Variants in OR10J1 observed in about 807,000 individuals in gnomAD.
OR10J1 encodes olfactory receptor 10J1.
For synonymous variants in OR10J1, 202 were observed against 143.8 expected (o/e 1.40, Z -2.89); for missense variants, 474 against 376.6 (o/e 1.26, Z -2.14).
the OR10J1 span, among the ~76,000 whole-genome samples, chr1:159,415,870 T>C: frequency 1.3e-5 from 2 of 151,994 alleles, no homozygotes; most frequent in Admixed American, 6.6e-5. Context: ...CATCAATGTT[T>C]TATAGTTTTT....
the OR10J1 span, among the ~76,000 whole-genome samples, chr1:159,420,545 A>C: frequency 6.6e-6 from 1 of 152,108 alleles, no homozygotes; most frequent in Non-Finnish European, 1.5e-5. Context: ...TTCTTTTGCT[A>C]CCAGGCATAG....
chr1:159,414,676 T>C, the OR10J1 span, among the ~76,000 whole-genome samples: 3 of 152,114 alleles, frequency 2.0e-5, no homozygotes, highest in African/African-American at 7.2e-5. Context: ...CTGTTTTCTA[T>C]AGCAACTGTA....
chr1:159,409,659 C>A, the OR10J1 span, among the ~76,000 whole-genome samples: 1 of 151,996 alleles, frequency 6.6e-6, no homozygotes, highest in Non-Finnish European at 1.5e-5. Flanking sequence ...CTAATCTATC[C>A]ATAATGATAA....
upstream of OR10J1, among the ~76,000 whole-genome samples, chr1:159,435,991 G>A (rs1041124435): frequency 6.6e-6 from 1 of 152,160 alleles, no homozygotes; most frequent in Non-Finnish European, 1.5e-5. Flanking sequence ...TGACTTCGGA[G>A]GGTTATTTGG....
the OR10J1 span, chr1:159,405,857 CAA>C: frequency 3.8e-6 from 3 of 780,110 alleles, no homozygotes; most frequent in Admixed American, 2.1e-5. Context: ...TGGGAGATGA[CAA>C]AGTCATCACA....
chr1:159,422,761 C>G, the OR10J1 span, among the ~76,000 whole-genome samples: 1 of 152,134 alleles, frequency 6.6e-6, no homozygotes, highest in Non-Finnish European at 1.5e-5. Flanking sequence ...AAGTTTCGAA[C>G]CTTACTAGGG....
At chr1:159,435,095 C>G (rs1655699177), upstream of OR10J1, among the ~76,000 whole-genome samples, 1 of 152,130 alleles carries the variant, frequency 6.6e-6, no homozygotes, top group Admixed American at 6.5e-5. Flanking sequence ...TTATTTCAGG[C>G]TCTGCTTATG....
At chr1:159,419,603 G>C in the OR10J1 span, among the ~76,000 whole-genome samples, 1 of 152,262 alleles carries the variant, frequency 6.6e-6, no homozygotes, top group South Asian at 2.1e-4. Flanking sequence ...ACTAACACAA[G>C]GAGCATGTTG....
the OR10J1 span, among the ~76,000 whole-genome samples, chr1:159,402,077 G>A: frequency 6.6e-6 from 1 of 151,968 alleles, no homozygotes; most frequent in Non-Finnish European, 1.5e-5. Context: ...AAAATCAGGG[G>A]ATAGAAGGAC....
At chr1:159,430,668 T>TGTGTGCGCGCGC in the OR10J1 span, among the ~76,000 whole-genome samples, 4 of 69,612 alleles carry the variant, frequency 5.7e-5, no homozygotes, top group Non-Finnish European at 1.0e-4. Context: ...TGTGTGTGTG[T>TGTGTGCGCGCGC]GCGCGCGCGC....
the OR10J1 span, among the ~76,000 whole-genome samples, chr1:159,402,063 C>A: frequency 6.6e-6 from 1 of 151,868 alleles, no homozygotes; most frequent in Non-Finnish European, 1.5e-5. Context: ...TGATAAAACC[C>A]CTAAAAATCA....
the OR10J1 span, among the ~76,000 whole-genome samples, chr1:159,431,136 T>C: frequency 2.0e-5 from 3 of 152,088 alleles, no homozygotes; most frequent in South Asian, 6.2e-4. Context: ...GCATAATATT[T>C]GGGGATATTG....
the OR10J1 span, among the ~76,000 whole-genome samples, chr1:159,426,538 C>A: frequency 6.6e-6 from 1 of 151,914 alleles, no homozygotes; most frequent in Admixed American, 6.5e-5. Context: ...TATGCAAAAA[C>A]TGATAAAACT....
At chr1:159,412,418 G>C in the OR10J1 span, among the ~76,000 whole-genome samples, 1 of 148,290 alleles carries the variant, frequency 6.7e-6, no homozygotes, top group African/African-American at 2.5e-5. Flanking sequence ...GAGGCATCAC[G>C]CTACCTGACT....
chr1:159,411,048 A>G, the OR10J1 span, among the ~76,000 whole-genome samples: 2 of 152,222 alleles, frequency 1.3e-5, no homozygotes, highest in Non-Finnish European at 2.9e-5. Flanking sequence ...GTTTGATTGC[A>G]CTGTGGTCTG....
chr1:159,437,211 T>C (rs755299206), upstream of OR10J1, among the ~76,000 whole-genome samples: 12 of 152,184 alleles, frequency 7.9e-5, no homozygotes, highest in Non-Finnish European at 1.3e-4. Flanking sequence ...AGCTAATTTG[T>C]TTCCTAGCCT....
the OR10J1 span, among the ~76,000 whole-genome samples, chr1:159,413,042 C>T: frequency 6.6e-6 from 1 of 152,166 alleles, no homozygotes; most frequent in African/African-American, 2.4e-5. Context: ...TGAACAGACA[C>T]TTCTCAAAGG....
chr1:159,440,067 A>G lies in OR10J1; in HGVS notation c.276A>G (p.Ile92Met), dbSNP rs12048482. The change falls in exon 1 of 1, where the codon ATA becomes ATG. Residue 92 changes from isoleucine (I) to methionine (M), a missense_variant. By Grantham distance (10) the Ile-to-Met change is conservative (BLOSUM62 1). Coordinates refer to ENST00000423932, the MANE Select transcript of OR10J1 (RefSeq NM_012351.3). ...LSSLVGMSQP[I>M]SLAGCATQMF... The stretch of plus-strand genomic sequence containing the variant: ...GCCTCGTAGGTATGAGCCAGCCCAT[A>G]TCATTGGCAGGGTGTGCCACACAGA... 0.61 allele frequency: 981,312 copies of G among 1,613,804 alleles called. 303,650 individuals carry two copies. Among genetic ancestry groups the G allele is most frequent in the Non-Finnish European group, 0.64 (755,084 of 1,179,956 alleles).
the OR10J1 span, among the ~76,000 whole-genome samples, chr1:159,423,176 T>C: frequency 6.6e-6 from 1 of 152,204 alleles, no homozygotes; most frequent in Non-Finnish European, 1.5e-5. Flanking sequence ...ATCTCCCTTA[T>C]AAAAGCCATG....
Sources: allele counts gnomAD v4.1 joint callset (sites outside exome capture counted in the v4.1 genomes callset), GRCh38; gene constraint gnomAD v4.1.1; transcripts MANE v1.5; gene names NCBI Gene and HGNC (gene_info 2026-07-23, HGNC 2026-07-21).